The following NTN1 variants were observed in gnomAD, a reference collection of about 807,000 sequenced individuals.
NTN1 encodes the protein netrin 1, also known as netrin-1.
In NTN1, 11 loss-of-function variants were observed where a neutral mutation model predicts 54.2. That is an observed-to-expected ratio of 0.20 (90% CI 0.13 to 0.34). The LOEUF (loss-of-function observed/expected upper bound fraction) is 0.34. Ranked by LOEUF, NTN1 falls within the 10% of genes least tolerant of loss-of-function variation. The pLI, the probability that NTN1 is intolerant of heterozygous loss-of-function variation, is 1.00. For synonymous variants in NTN1, 371 were observed against 382.0 expected, an observed-to-expected ratio of 0.97 and a Z score of 0.33; for missense variants, 740 against 893.1, an observed-to-expected ratio of 0.83 and a Z score of 2.18.
At chr17:9,027,410 TTACCCTAAGTCACATAGCTACTGGGTGG>T (rs1170567990) in intron 2 of NTN1, among the ~76,000 whole-genome samples, 1 of 152,174 alleles carries the variant, frequency 6.6e-6, no homozygotes, top group Non-Finnish European at 1.5e-5. Flanking sequence ...ATTAGATGGT[TTACCCTAAGTCACATAGCTACTGGGTGG>T]TGAAGCTGGG....
chr17:9,098,312 G>A (rs1329529034), intron 2 of NTN1, among the ~76,000 whole-genome samples: 1 of 152,172 alleles, frequency 6.6e-6, no homozygotes, highest in Non-Finnish European at 1.5e-5. Context: ...GGCAGTGCAG[G>A]GTCTCCAGCA....
chr17:9,228,440 A>AC (rs1230848957), intron 6 of NTN1, among the ~76,000 whole-genome samples: 1 of 151,514 alleles, frequency 6.6e-6, no homozygotes, highest in Non-Finnish European at 1.5e-5. Flanking sequence ...AGCCACTCTG[A>AC]CCCCTCCAGC....
At chr17:9,137,172 T>G (rs1292732339) in intron 2 of NTN1, among the ~76,000 whole-genome samples, 1 of 152,182 alleles carries the variant, frequency 6.6e-6, no homozygotes, top group African/African-American at 2.4e-5. Flanking sequence ...GTCTCTGCAT[T>G]TCATCCTATG....
chr17:9,074,122 T>C (rs2092041536), intron 2 of NTN1, among the ~76,000 whole-genome samples: 1 of 152,146 alleles, frequency 6.6e-6, no homozygotes, highest in Non-Finnish European at 1.5e-5. Context: ...AGGGCACCAG[T>C]TAGGCAGCAG....
In NTN1 at chr17:9,023,138, C is replaced by G. The variant is rs2091858721; in HGVS notation, c.765C>G (p.His255Gln). 1.9e-6 allele frequency: 3 copies of G among 1,564,532 alleles called. No individual in the cohort carries two copies. The Admixed American group carries it at 5.6e-5, about 29-fold the overall frequency. ...TDIRVAFSRL[H>Q]TFGDENEDDS... Reference sequence around the variant, plus strand: ...TCCGCGTGGCCTTCAGCCGCCTGCACACGTTCGGCGACGAGAACGAGGACG... The same window carrying G: ...TCCGCGTGGCCTTCAGCCGCCTGCAGACGTTCGGCGACGAGAACGAGGACG... The change falls in exon 2 of 7, where the codon CAC becomes CAG. Residue 255 changes from histidine to glutamine, a missense_variant. Physicochemically the swap from His to Gln is conservative, Grantham distance 24. Coordinates refer to ENST00000173229, the MANE Select transcript of NTN1 (RefSeq NM_004822.3).
intron 2 of NTN1, among the ~76,000 whole-genome samples, chr17:9,113,410 G>A (rs2092199238): frequency 6.6e-6 from 1 of 152,132 alleles, no homozygotes; most frequent in Admixed American, 6.6e-5. Context: ...AAGGCTCACA[G>A]GAACTTAACC....
chr17:9,073,504 T>C (rs1432603213), intron 2 of NTN1, among the ~76,000 whole-genome samples: 1 of 152,182 alleles, frequency 6.6e-6, no homozygotes, highest in Non-Finnish European at 1.5e-5. Flanking sequence ...GAGGGATGTT[T>C]GTTTGTGTCT....
chr17:9,160,740 C>T (rs1258280693), intron 2 of NTN1, among the ~76,000 whole-genome samples: 1 of 152,086 alleles, frequency 6.6e-6, no homozygotes, highest in African/African-American at 2.4e-5. Flanking sequence ...ATATCTTGAG[C>T]CCAGGAGTTC....
rs538608635 is a variant in NTN1 at position 9,221,838 on chromosome 17, G to T, written c.1486+596G>T. ...ACCTCAGGCTCCCTTCCCGGGAAGGGTGTGTCCTGTCCCCTTGCTCTCATG... is the reference window on the plus strand; with the variant it reads ...ACCTCAGGCTCCCTTCCCGGGAAGGTTGTGTCCTGTCCCCTTGCTCTCATG... On this transcript the variant is annotated intron_variant, in intron 6 of 6. Coordinates refer to ENST00000173229, the MANE Select transcript of NTN1 (RefSeq NM_004822.3). The surrounding 1 kb of genome is among the most constrained non-coding windows in gnomAD (Gnocchi z 4.5). Among the ~76,000 whole-genome samples the T allele has an allele frequency of 2.6e-5, 4 of 152,312 alleles. No homozygotes were observed. Among genetic ancestry groups the T allele is most frequent in the Non-Finnish European group, 4.4e-5 (3 of 68,020 alleles).
chr17:9,171,265 G>A (rs1461077845), intron 3 of NTN1: 1 of 152,176 alleles, frequency 6.6e-6, no homozygotes, highest in African/African-American at 2.4e-5. Context: ...TTGGATTGCG[G>A]ATGACCTAGG....
chr17:9,105,525 G>A (rs1293718216), intron 2 of NTN1, among the ~76,000 whole-genome samples: 1 of 152,128 alleles, frequency 6.6e-6, no homozygotes, highest in Non-Finnish European at 1.5e-5. Flanking sequence ...TCAAAACGTG[G>A]GCGTTCTTCA....
intron 6 of NTN1, among the ~76,000 whole-genome samples, chr17:9,226,469 CT>C (rs1905560384): frequency 4.9e-5 from 2 of 40,800 alleles, no homozygotes; most frequent in East Asian, 2.5e-3. Flanking sequence ...CGTGGGGAGG[CT>C]GTCTCGTGGG....
At chr17:9,056,006 T>C (rs901226896) in intron 2 of NTN1, among the ~76,000 whole-genome samples, 3 of 152,154 alleles carry the variant, frequency 2.0e-5, no homozygotes, top group African/African-American at 7.2e-5. Flanking sequence ...CAGGTGATCC[T>C]CCTGCCTCAG....
chr17:9,208,975 C>T (rs1905033886), intron 5 of NTN1, among the ~76,000 whole-genome samples: 1 of 152,254 alleles, frequency 6.6e-6, no homozygotes, highest in Non-Finnish European at 1.5e-5. Flanking sequence ...TCTGGCCCTG[C>T]CTTTCCCACT....
At chr17:9,057,616 A>G (rs143282492) in intron 2 of NTN1, among the ~76,000 whole-genome samples, 170 of 152,090 alleles carry the variant, frequency 1.1e-3, no homozygotes, top group Non-Finnish European at 2.1e-3. Flanking sequence ...CCTTGTTTTT[A>G]TAAAATTCAT....
intron 4 of NTN1, among the ~76,000 whole-genome samples, chr17:9,180,648 G>C (rs935145398): frequency 6.6e-6 from 1 of 152,220 alleles, no homozygotes; most frequent in African/African-American, 2.4e-5. Flanking sequence ...GCCCCTGGTG[G>C]GTTCAGAACA....
intron 2 of NTN1, among the ~76,000 whole-genome samples, chr17:9,087,014 T>C (rs935893248): frequency 6.6e-6 from 1 of 152,174 alleles, no homozygotes. Context: ...TTTGCACACA[T>C]TGTCTCATTT....
At chr17:9,140,000 T>G (rs529457224) in intron 2 of NTN1, among the ~76,000 whole-genome samples, 3 of 152,246 alleles carry the variant, frequency 2.0e-5, no homozygotes, top group African/African-American at 7.2e-5. Flanking sequence ...CAACCCTTAC[T>G]CTGTGGTCCA....
intron 2 of NTN1, among the ~76,000 whole-genome samples, chr17:9,127,880 G>A (rs547016680): frequency 1.3e-5 from 2 of 152,236 alleles, no homozygotes; most frequent in East Asian, 3.9e-4. Context: ...ACTTTGGGAG[G>A]CTGAGGTGGG....
Sources: gnomAD v4.1 joint callset for allele counts (sites outside exome capture counted in the v4.1 genomes callset) on GRCh38, gnomAD v4.1.1 for gene constraint, Gnocchi (gnomAD v3.1) non-coding constraint, MANE v1.5 for transcripts, NCBI Gene and HGNC (gene_info 2026-07-23, HGNC 2026-07-21) for gene names.